Variants in DACH1 observed in about 807,000 individuals in gnomAD.
DACH1 encodes the protein dachshund family transcription factor 1.
DACH1 carries 12 observed loss-of-function variants against 54.2 expected under a neutral mutation model. The ratio of observed to expected loss-of-function variants is 0.22; its 90% CI spans 0.14 to 0.36. DACH1 has a LOEUF of 0.36. DACH1 is among the 10% of genes least tolerant of loss of function. DACH1 has a pLI of 1.00. For missense variants in DACH1, 805 were observed against 929.8 expected (o/e 0.87, Z 1.75); for synonymous variants, 386 against 366.2 (o/e 1.05, Z -0.62).
At chr13:71,536,855 C>G (rs1211099824) in intron 6 of DACH1, among the ~76,000 whole-genome samples, 1 of 152,096 alleles carries the variant, frequency 6.6e-6, no homozygotes, top group Non-Finnish European at 1.5e-5. Flanking sequence ...CCATTTCTCT[C>G]CACTTTAATT....
At chr13:71,691,543 G>C (rs1394156103) in intron 1 of DACH1, among the ~76,000 whole-genome samples, 1 of 151,568 alleles carries the variant, frequency 6.6e-6, no homozygotes, top group East Asian at 1.9e-4. Context: ...TCTGGCTTCA[G>C]ATGCCAAGCC....
chr13:71,539,828 T>C (rs1335608285), intron 6 of DACH1, among the ~76,000 whole-genome samples: 1 of 151,882 alleles, frequency 6.6e-6, no homozygotes, highest in Non-Finnish European at 1.5e-5. Context: ...TCAAAAAAGA[T>C]GGAACTGGAA....
chr13:71,815,865 C>T (rs916011473), intron 1 of DACH1, among the ~76,000 whole-genome samples: 1 of 152,048 alleles, frequency 6.6e-6, no homozygotes, highest in African/African-American at 2.4e-5. Context: ...GCGGGCGGAT[C>T]ACGAGGTCAG....
intron 1 of DACH1, among the ~76,000 whole-genome samples, chr13:71,857,069 T>C (rs188968011): frequency 6.6e-6 from 1 of 151,896 alleles, no homozygotes; most frequent in African/African-American, 2.4e-5. Flanking sequence ...CAAGCACATG[T>C]AGTGTCATTT....
chr13:71,822,025 C>T (rs1407810632), intron 1 of DACH1, among the ~76,000 whole-genome samples: 4 of 152,044 alleles, frequency 2.6e-5, no homozygotes, highest in South Asian at 4.2e-4. Flanking sequence ...CGCACCTCTG[C>T]ACTCCAGCCT....
At chr13:71,652,789 C>A (rs1878775386) in intron 2 of DACH1, among the ~76,000 whole-genome samples, 1 of 152,132 alleles carries the variant, frequency 6.6e-6, no homozygotes, top group Non-Finnish European at 1.5e-5. Flanking sequence ...AAGGTAGAGG[C>A]CATAACTCAT....
chr13:71,693,242 C>T (rs1881614623), intron 1 of DACH1, among the ~76,000 whole-genome samples: 2 of 150,532 alleles, frequency 1.3e-5, no homozygotes, highest in Non-Finnish European at 2.9e-5. Context: ...CACATACACA[C>T]ACACATACAT....
At chr13:71,715,886 A>G (rs1882943156) in intron 1 of DACH1, among the ~76,000 whole-genome samples, 1 of 152,120 alleles carries the variant, frequency 6.6e-6, no homozygotes, top group Non-Finnish European at 1.5e-5. Flanking sequence ...CAATTATTAA[A>G]ACAAACATCT....
chr13:71,572,647 A>T (rs1885284117), intron 4 of DACH1, among the ~76,000 whole-genome samples, 193 bp downstream of exon 4: 2 of 152,118 alleles, frequency 1.3e-5, no homozygotes, highest in Non-Finnish European at 2.9e-5. Context: ...ATATATAGAG[A>T]ATTTAAAGCA....
At chr13:71,720,432 C>A (rs889140585) in intron 1 of DACH1, among the ~76,000 whole-genome samples, 1 of 152,154 alleles carries the variant, frequency 6.6e-6, no homozygotes, top group African/African-American at 2.4e-5. Context: ...AAGAGACACA[C>A]CTTGTTACCC....
Position 71,692,264 on chromosome 13 carries a change from A to T in DACH1, c.849-10354T>A, listed in dbSNP as rs117354571. On this transcript the variant is annotated intron_variant, in intron 1 of 10. Transcript: ENST00000613252. ...AGCAGGTAGTTATCTAACTTGAAAT[A>T]GTTTTCATTTCCCCATCCTTAGCAT... Among the ~76,000 whole-genome samples, 1,034 of 152,198 alleles carry T rather than the reference A, an allele frequency of 6.8e-3. 21 individuals are homozygous for T. The highest frequency in any genetic ancestry group is 6.6e-3 in the Non-Finnish European group (447 of 68,016).
chr13:71,780,180 G>A (rs1368861663), intron 1 of DACH1, among the ~76,000 whole-genome samples: 1 of 152,048 alleles, frequency 6.6e-6, no homozygotes, highest in Non-Finnish European at 1.5e-5. Context: ...GGAAAGAACG[G>A]GAGAGGCTTC....
intron 4 of DACH1, among the ~76,000 whole-genome samples, chr13:71,570,386 C>A (rs1458234280): frequency 6.6e-6 from 1 of 152,108 alleles, no homozygotes; most frequent in Non-Finnish European, 1.5e-5. Context: ...AATAAGGGCA[C>A]CATGATAAAA....
intron 1 of DACH1, among the ~76,000 whole-genome samples, chr13:71,736,754 G>C (rs1472223283): frequency 1.3e-5 from 2 of 152,062 alleles, no homozygotes; most frequent in Non-Finnish European, 2.9e-5. Context: ...TTTCTTAATC[G>C]ATCTGATGTA....
chr13:71,537,426 C>T (rs1385498474), intron 6 of DACH1, among the ~76,000 whole-genome samples: 1 of 152,034 alleles, frequency 6.6e-6, no homozygotes, highest in Non-Finnish European at 1.5e-5. Flanking sequence ...CATTTACTTG[C>T]TTATTGCTGA....
intron 1 of DACH1, among the ~76,000 whole-genome samples, chr13:71,725,954 A>G (rs145618025): frequency 0.011 from 1,630 of 152,248 alleles, 13 homozygotes; most frequent in Non-Finnish European, 0.016. Flanking sequence ...CTTTTGCATT[A>G]TAGTTTGTCT....
intron 2 of DACH1, among the ~76,000 whole-genome samples, chr13:71,654,339 G>A (rs1438081425): frequency 9.3e-5 from 14 of 149,838 alleles, no homozygotes; most frequent in African/African-American, 2.0e-4. Flanking sequence ...GCAGTGAGCC[G>A]AGACTGCACC....
chr13:71,715,630 C>A (rs1882931338), intron 1 of DACH1, among the ~76,000 whole-genome samples: 1 of 151,830 alleles, frequency 6.6e-6, no homozygotes, highest in African/African-American at 2.4e-5. Context: ...TAGCTAATTT[C>A]AATAGCTGTC....
intron 6 of DACH1, among the ~76,000 whole-genome samples, chr13:71,533,376 CG>C (rs1882543383): frequency 6.6e-6 from 1 of 151,822 alleles, no homozygotes; most frequent in South Asian, 2.1e-4. Flanking sequence ...GGAAAGGAAA[CG>C]TGACAGTGAA....
Sources: allele counts gnomAD v4.1 joint callset (sites outside exome capture counted in the v4.1 genomes callset), GRCh38; gene constraint gnomAD v4.1.1; transcripts MANE v1.5; gene names NCBI Gene and HGNC (gene_info 2026-07-23, HGNC 2026-07-21).